The following UNC13C variants were observed in gnomAD, a reference collection of about 807,000 sequenced individuals.
UNC13C encodes the protein unc-13 homolog C.
UNC13C carries 174 observed loss-of-function variants against 245.4 expected under a neutral mutation model. The observed-to-expected ratio is 0.71, with a 90% confidence interval of 0.63 to 0.80. UNC13C has a LOEUF of 0.80. Ranked by LOEUF, UNC13C falls within the 30% of genes least tolerant of loss-of-function variation. UNC13C has a pLI of 0.00. For synonymous variants in UNC13C, 992 were observed against 895.1 expected, an observed-to-expected ratio of 1.11 and a Z score of -1.93; for missense variants, 2,829 against 2,602.9, an observed-to-expected ratio of 1.09 and a Z score of -1.89.
intron 2 of UNC13C, among the ~76,000 whole-genome samples, chr15:54,073,704 C>T (rs547179184): frequency 1.3e-5 from 2 of 151,956 alleles, no homozygotes; most frequent in Non-Finnish European, 2.9e-5. Context: ...CTGTCCACAT[C>T]CTTTGCCTAC....
the UNC13C span, among the ~76,000 whole-genome samples, chr15:53,934,048 C>T: frequency 1.3e-5 from 2 of 152,164 alleles, no homozygotes; most frequent in Non-Finnish European, 2.9e-5. Context: ...AGCTTAAAAT[C>T]ATGGCAAAGG....
chr15:53,879,112 A>T, the UNC13C span, among the ~76,000 whole-genome samples: 1 of 152,146 alleles, frequency 6.6e-6, no homozygotes, highest in Non-Finnish European at 1.5e-5. Flanking sequence ...TAGCAAAGAA[A>T]ATAGTCCTCC....
At position 54,038,121 on chromosome 15, in the gene UNC13C, TATA is replaced by T. The variant is rs1427676423; in HGVS notation, c.2983+22236_2983+22238del. On this transcript the variant is annotated intron_variant, in intron 2 of 32. Transcript: ENST00000260323. Reference sequence around the variant, plus strand: ...ATACATATATATATATATATATATATATATTTTTTTTTTTTTTTTCCTGAGACA... The same window carrying T: ...ATACATATATATATATATATATATATTTTTTTTTTTTTTTTTCCTGAGACA... 2.0e-3 allele frequency among the ~76,000 whole-genome samples: 90 copies of T among 45,020 alleles called. 5 individuals are homozygous for T. The highest frequency in any genetic ancestry group is 2.6e-3 in the African/African-American group (30 of 11,642). The allele number at this position is 45,020 out of a possible 152,430, so 29.5% of individuals were successfully genotyped here. A position where few individuals can be genotyped will look rare whatever the true frequency, so the allele number is the denominator to read the frequency against.
intron 2 of UNC13C, among the ~76,000 whole-genome samples, chr15:54,124,732 T>A (rs1013522309): frequency 6.6e-6 from 1 of 152,214 alleles, no homozygotes; most frequent in African/African-American, 2.4e-5. Context: ...CTAAGTTAAC[T>A]AAGAGTTTTA....
chr15:54,165,422 T>A (rs1209306940), intron 4 of UNC13C, among the ~76,000 whole-genome samples: 1 of 152,154 alleles, frequency 6.6e-6, no homozygotes, highest in Non-Finnish European at 1.5e-5. Context: ...ACAACTATAT[T>A]AAGTGGTTCC....
intron 17 of UNC13C, among the ~76,000 whole-genome samples, chr15:54,381,534 C>T (rs1221147092): frequency 5.3e-5 from 8 of 152,040 alleles, no homozygotes; most frequent in Non-Finnish European, 1.2e-4. Flanking sequence ...CTCTGTAGAT[C>T]ACTTTGGGTC....
chr15:54,061,608 T>C (rs1165323612), intron 2 of UNC13C, among the ~76,000 whole-genome samples: 1 of 152,108 alleles, frequency 6.6e-6, no homozygotes, highest in East Asian at 1.9e-4. Context: ...CAAGCCCTTT[T>C]AGGCATGCTT....
intron 2 of UNC13C, among the ~76,000 whole-genome samples, chr15:54,042,688 C>A (rs1183264131): frequency 6.6e-6 from 1 of 151,992 alleles, no homozygotes; most frequent in Non-Finnish European, 1.5e-5. Flanking sequence ...CCCGTCTCTA[C>A]TAAAAATGCA....
intron 2 of UNC13C, among the ~76,000 whole-genome samples, chr15:54,084,609 C>T (rs1285506275): frequency 6.6e-6 from 1 of 151,922 alleles, no homozygotes; most frequent in African/African-American, 2.4e-5. Context: ...TTAGTTTTCT[C>T]GTTAGTAAAT....
chr15:54,568,636 T>C (rs956305293), intron 30 of UNC13C, among the ~76,000 whole-genome samples: 6 of 152,274 alleles, frequency 3.9e-5, no homozygotes, highest in Admixed American at 2.0e-4. Flanking sequence ...TTATTGAAAA[T>C]GTCAGTACGA....
At chr15:54,244,860 C>T (rs901260572) in intron 7 of UNC13C, among the ~76,000 whole-genome samples, 2 of 152,030 alleles carry the variant, frequency 1.3e-5, no homozygotes, top group African/African-American at 4.8e-5. Flanking sequence ...TAAAAGCTTA[C>T]TCTTTTGGAC....
At chr15:54,425,250 C>T (rs1368256639) in intron 19 of UNC13C, among the ~76,000 whole-genome samples, 1 of 151,756 alleles carries the variant, frequency 6.6e-6, no homozygotes, top group Non-Finnish European at 1.5e-5. Flanking sequence ...TTCAATGACA[C>T]CGTGACCCCA....
chr15:54,335,974 T>A (rs887420324), intron 16 of UNC13C, among the ~76,000 whole-genome samples: 2 of 152,138 alleles, frequency 1.3e-5, no homozygotes, highest in Non-Finnish European at 2.9e-5. Context: ...ATATTTCTTA[T>A]TCTAGTAGAA....
chr15:54,343,650 A>G (rs894340581), intron 17 of UNC13C, among the ~76,000 whole-genome samples: 3 of 152,196 alleles, frequency 2.0e-5, no homozygotes, highest in Non-Finnish European at 4.4e-5. Context: ...TCCAGCTCAA[A>G]TATGATCTTT....
intron 1 of UNC13C, among the ~76,000 whole-genome samples, chr15:53,988,084 T>A (rs1473388954): frequency 6.6e-6 from 1 of 152,016 alleles, no homozygotes; most frequent in South Asian, 2.1e-4. Flanking sequence ...GAATTTCTAG[T>A]GCCTGTATCT....
At chr15:53,973,972 GT>G (rs1229045201), upstream of UNC13C, among the ~76,000 whole-genome samples, 1 of 152,122 alleles carries the variant, frequency 6.6e-6, no homozygotes, top group Non-Finnish European at 1.5e-5. Flanking sequence ...AGGGGAACCA[GT>G]TTTGAAGTAG....
intron 25 of UNC13C, among the ~76,000 whole-genome samples, chr15:54,530,360 T>C (rs1455219417): frequency 6.6e-6 from 1 of 152,196 alleles, no homozygotes; most frequent in Non-Finnish European, 1.5e-5. Flanking sequence ...ATTTCAAGTA[T>C]ATAATGCAGC....
the UNC13C span, among the ~76,000 whole-genome samples, chr15:53,904,166 A>T: frequency 6.6e-6 from 1 of 152,198 alleles, no homozygotes; most frequent in African/African-American, 2.4e-5. Flanking sequence ...GGTTGGGGAA[A>T]ACTGAACCTT....
At chr15:54,155,505 A>G (rs1237493015) in intron 4 of UNC13C, among the ~76,000 whole-genome samples, 2 of 152,222 alleles carry the variant, frequency 1.3e-5, no homozygotes, top group African/African-American at 4.8e-5. Context: ...ATAATCATGT[A>G]TATTCACAAT....
Sources: allele counts gnomAD v4.1 joint callset (sites outside exome capture counted in the v4.1 genomes callset), GRCh38; gene constraint gnomAD v4.1.1; transcripts MANE v1.5; gene names NCBI Gene and HGNC (gene_info 2026-07-23, HGNC 2026-07-21).